The following ATL2 variants were observed in gnomAD, a reference collection of about 807,000 sequenced individuals.
ATL2 encodes atlastin-2.
A neutral mutation model predicts 73.9 loss-of-function variants in ATL2; 31 were observed. That is an observed-to-expected ratio of 0.42 (90% confidence interval 0.32 to 0.57). The LOEUF (loss-of-function observed/expected upper bound fraction) is 0.57. Among genes scored for constraint, ATL2 ranks in the 20% least tolerant of loss-of-function variants. The probability of loss-of-function intolerance (pLI) is 0.14; values close to 1 mark genes in which losing one functional copy is unlikely to be tolerated. For missense variants in ATL2, 738 were observed against 702.6 expected (o/e 1.05, Z -0.57); for synonymous variants, 291 against 237.5 (o/e 1.23, Z -2.07).
intron 2 of ATL2, among the ~76,000 whole-genome samples, chr2:38,340,131 G>C (rs2148478939): frequency 7.6e-6 from 1 of 131,676 alleles, no homozygotes; most frequent in East Asian, 2.5e-4. Context: ...ACAGTGAAAT[G>C]AACCTGTGGT....
At chr2:38,342,536 A>T (rs1173045578) in intron 2 of ATL2, among the ~76,000 whole-genome samples, 1 of 152,196 alleles carries the variant, frequency 6.6e-6, no homozygotes, top group East Asian at 1.9e-4. Flanking sequence ...TGAGATTCAG[A>T]GATCATGGAT....
intron 2 of ATL2, among the ~76,000 whole-genome samples, chr2:38,340,727 G>A (rs1669667051): frequency 1.3e-5 from 2 of 152,228 alleles, no homozygotes; most frequent in Middle Eastern, 3.4e-3. Context: ...CATAGGAAAA[G>A]CATGACCCAC....
intron 1 of ATL2, among the ~76,000 whole-genome samples, chr2:38,352,108 TTCAAAAACAA>T (rs1670383084): frequency 1.3e-5 from 1 of 75,764 alleles, no homozygotes; most frequent in African/African-American, 5.7e-5. Context: ...AAAACTCTGT[TTCAAAAACAA>T]ACAAAAACAA....
At chr2:38,312,706 T>TC (rs1667823828) in intron 7 of ATL2, among the ~76,000 whole-genome samples, 1 of 120,308 alleles carries the variant, frequency 8.3e-6, no homozygotes, top group African/African-American at 3.8e-5. Context: ...GAGACTGTCT[T>TC]AAAAAAAAAA....
At chr2:38,344,277 T>C (rs1669894805) in intron 1 of ATL2, among the ~76,000 whole-genome samples, 1 of 152,120 alleles carries the variant, frequency 6.6e-6, no homozygotes, top group Non-Finnish European at 1.5e-5. Flanking sequence ...ACCTAGAAAA[T>C]TCACAAACAT....
intron 1 of ATL2, among the ~76,000 whole-genome samples, chr2:38,353,347 G>A (rs1251056382): frequency 6.6e-6 from 1 of 152,090 alleles, no homozygotes; most frequent in African/African-American, 2.4e-5. Flanking sequence ...GCAGACTGTA[G>A]GTAACAGAAG....
chr2:38,309,311 T>C, intron 9 of ATL2, 68 bp downstream of exon 9: 7 of 1,428,760 alleles, frequency 4.9e-6, no homozygotes, highest in Non-Finnish European at 6.5e-6. Flanking sequence ...AAATTTCTTA[T>C]ACATACAGAT....
intron 2 of ATL2, among the ~76,000 whole-genome samples, chr2:38,335,763 C>A (rs776056923): frequency 6.6e-6 from 1 of 152,088 alleles, no homozygotes; most frequent in Non-Finnish European, 1.5e-5. Context: ...AATAATAGGC[C>A]GGGCGCGGTG....
chr2:38,363,693 C>A (rs980314855), intron 1 of ATL2, among the ~76,000 whole-genome samples: 2 of 152,170 alleles, frequency 1.3e-5, no homozygotes, highest in Non-Finnish European at 2.9e-5. Flanking sequence ...TCCAATCTGT[C>A]ATGAATTACG....
chr2:38,326,472 C>A (rs1260594047), intron 2 of ATL2, among the ~76,000 whole-genome samples: 3 of 152,262 alleles, frequency 2.0e-5, no homozygotes, highest in Admixed American at 2.0e-4. Context: ...AACAACAGAA[C>A]CAGACTCAGA....
At chr2:38,333,090 C>T (rs1467724375) in intron 2 of ATL2, among the ~76,000 whole-genome samples, 1 of 152,008 alleles carries the variant, frequency 6.6e-6, no homozygotes, top group African/African-American at 2.4e-5. Flanking sequence ...GGGCCACGCA[C>T]AGTGGCTTAC....
intron 1 of ATL2, among the ~76,000 whole-genome samples, chr2:38,350,716 G>A (rs1036078017): frequency 3.3e-5 from 5 of 151,962 alleles, no homozygotes; most frequent in East Asian, 1.9e-4. Context: ...CAGGGAGTAC[G>A]TGAACTACAA....
intron 7 of ATL2, among the ~76,000 whole-genome samples, chr2:38,311,905 A>G (rs1022122998): frequency 6.6e-6 from 1 of 152,246 alleles, no homozygotes; most frequent in Non-Finnish European, 1.5e-5. Context: ...TCTTCTGAAC[A>G]AACCAGAAAC....
intron 2 of ATL2, among the ~76,000 whole-genome samples, chr2:38,332,434 G>A (rs1335821956): frequency 6.6e-6 from 1 of 152,086 alleles, no homozygotes; most frequent in Non-Finnish European, 1.5e-5. Context: ...TCAAACTCCT[G>A]GGCTCAAGCA....
chr2:38,342,690 A>G (rs1669793030), intron 2 of ATL2, among the ~76,000 whole-genome samples: 1 of 152,170 alleles, frequency 6.6e-6, no homozygotes, highest in Non-Finnish European at 1.5e-5. Context: ...CCAAAAGGAA[A>G]GTGTGAAGAA....
intron 1 of ATL2, among the ~76,000 whole-genome samples, chr2:38,368,011 T>C (rs1439770695): frequency 6.6e-6 from 1 of 150,484 alleles, no homozygotes; most frequent in African/African-American, 2.5e-5. Flanking sequence ...CTCGGCTCAC[T>C]GCAAGCTCCA....
intron 1 of ATL2, among the ~76,000 whole-genome samples, chr2:38,367,853 G>C (rs141122460): frequency 6.7e-6 from 1 of 149,780 alleles, no homozygotes; most frequent in African/African-American, 2.5e-5. Flanking sequence ...GGCTGGTCTC[G>C]AACTTCTGAC....
At chr2:38,357,651 C>CAA (rs1212548216) in intron 1 of ATL2, among the ~76,000 whole-genome samples, 5,102 of 65,708 alleles carry the variant, frequency 0.078, 495 homozygotes, top group African/African-American at 0.17. Flanking sequence ...GACTCCGTCT[C>CAA]AAAAAAAAAA....
intron 1 of ATL2, chr2:38,354,124 T>C (rs1296653532): frequency 2.4e-6 from 1 of 411,186 alleles, no homozygotes; most frequent in African/African-American, 2.3e-5. Flanking sequence ...CCCGGGAGGT[T>C]GCAGTAAGCG....
Sources: allele counts gnomAD v4.1 joint callset (sites outside exome capture counted in the v4.1 genomes callset), GRCh38; gene constraint gnomAD v4.1.1; transcripts MANE v1.5; gene names NCBI Gene and HGNC (gene_info 2026-07-23, HGNC 2026-07-21).